The following PARD3B variants were observed in gnomAD, a reference collection of about 807,000 sequenced individuals.
PARD3B encodes the protein partitioning defective 3 homolog B.
In PARD3B, 103 loss-of-function variants were observed where a neutral mutation model predicts 130.2. That is an observed-to-expected ratio of 0.79 (90% CI 0.67 to 0.93). PARD3B has a LOEUF of 0.93. Ranked by LOEUF, PARD3B falls within the 40% of genes least tolerant of loss-of-function variation. The pLI is 0.00. For synonymous variants in PARD3B, 583 were observed against 553.2 expected (o/e 1.05, Z -0.76); for missense variants, 1,609 against 1,499.2 (o/e 1.07, Z -1.21).
At chr2:204,595,169 G>T (rs529067360) in intron 1 of PARD3B, among the ~76,000 whole-genome samples, 8 of 152,320 alleles carry the variant, frequency 5.3e-5, no homozygotes, top group African/African-American at 1.9e-4. Context: ...ATTTCACTCA[G>T]AATGTCTGCT....
At chr2:205,519,160 G>A (rs1396046558) in intron 21 of PARD3B, among the ~76,000 whole-genome samples, 3 of 152,178 alleles carry the variant, frequency 2.0e-5, no homozygotes, top group Non-Finnish European at 4.4e-5. Flanking sequence ...AGTTTTCATG[G>A]ACAATATCCT....
At chr2:205,022,801 C>T (rs1696719154) in intron 3 of PARD3B, among the ~76,000 whole-genome samples, 1 of 151,906 alleles carries the variant, frequency 6.6e-6, no homozygotes, top group African/African-American at 2.4e-5. Context: ...CTGGGTTTTC[C>T]CCCCTTACTC....
chr2:205,039,713 G>T (rs1014165561), intron 3 of PARD3B, among the ~76,000 whole-genome samples: 1 of 151,554 alleles, frequency 6.6e-6, no homozygotes, highest in Non-Finnish European at 1.5e-5. Context: ...CAGGTGATCC[G>T]CCTGCCTTGG....
chr2:205,372,823 TC>T (rs1407652051), intron 18 of PARD3B, among the ~76,000 whole-genome samples: 1 of 151,930 alleles, frequency 6.6e-6, no homozygotes, highest in Admixed American at 6.6e-5. Flanking sequence ...CTACAAAAGG[TC>T]CAAAAATCAG....
Position 204,941,393 on chromosome 2 carries a change from C to T in PARD3B, c.223-23759C>T, listed in dbSNP as rs549782100. Among the ~76,000 whole-genome samples the T allele has an allele frequency of 3.3e-5, 5 of 152,268 alleles. No homozygotes were observed. The South Asian group carries it at 1.0e-3, about 32-fold the overall frequency. On this transcript the variant is annotated intron_variant, in intron 2 of 22. Coordinates refer to ENST00000406610, the MANE Select transcript of PARD3B (RefSeq NM_001302769.2). ...TGTCTAAAGAAGAAAAAGGAAAGTT[C>T]TAACACCTTAAGGATGGCAATTAAT...
chr2:204,803,723 G>A (rs992246024), intron 2 of PARD3B, among the ~76,000 whole-genome samples: 1 of 151,932 alleles, frequency 6.6e-6, no homozygotes, highest in Non-Finnish European at 1.5e-5. Context: ...CACAAAAAGA[G>A]GCATGAAATT....
chr2:205,193,120 G>T (rs1320447669), intron 14 of PARD3B, 85 bp from the exon 15 acceptor site: 20 of 866,486 alleles, frequency 2.3e-5, no homozygotes, highest in Non-Finnish European at 1.3e-5. Context: ...GTGATGAGTG[G>T]CTGTGTTCAA....
chr2:205,250,788 G>T (rs1166826802), intron 16 of PARD3B, among the ~76,000 whole-genome samples: 3 of 152,046 alleles, frequency 2.0e-5, no homozygotes, highest in Non-Finnish European at 4.4e-5. Context: ...AATTAGCTGG[G>T]CATGGTGGCC....
rs2041650382 is a variant in PARD3B, at chr2:205,292,627, C to T, written c.2186-7903C>T. ...TCCCAGACACACAGTCCCTCAAGGG[C>T]ACACTGTCATTGAGATGGAAGGTAA... On this transcript the variant is annotated intron_variant, in intron 16 of 22. Transcript: ENST00000406610. The surrounding 1 kb of genome is among the most constrained non-coding windows in gnomAD (Gnocchi z 5.3). 6.6e-6 allele frequency among the ~76,000 whole-genome samples: 1 copy of T among 152,194 alleles called. No homozygotes were observed. The highest frequency in any genetic ancestry group is 1.5e-5 in the Non-Finnish European group (1 of 68,030).
chr2:205,329,728 T>C (rs1421983430), intron 18 of PARD3B, among the ~76,000 whole-genome samples: 1 of 152,162 alleles, frequency 6.6e-6, no homozygotes, highest in African/African-American at 2.4e-5. Flanking sequence ...CAGTGTCTCA[T>C]ATCTGTAATC....
intron 2 of PARD3B, among the ~76,000 whole-genome samples, chr2:204,780,455 A>T (rs993008344): frequency 3.9e-5 from 6 of 152,234 alleles, no homozygotes; most frequent in African/African-American, 9.6e-5. Context: ...TAAATAATTT[A>T]TACATAATAG....
rs1186586039 is a variant in PARD3B, at chr2:204,686,206, A to G, written c.146A>G (p.His49Arg). Reference protein sequence around the residue: ...EKGPGYWVKIHHLEYTDGGIL... With the variant: ...EKGPGYWVKIRHLEYTDGGIL... ...GGTCCTGGTTACTGGGTGAAGATTC[A>G]TCACTTAGAATATACAGATGGAGGA... The change falls in exon 2 of 23, where the codon CAT becomes CGT. Residue 49 changes from histidine to arginine, a missense_variant. By Grantham distance (29) the His-to-Arg change is conservative. Transcript: ENST00000406610. 5 of 1,611,902 alleles carry G rather than the reference A, an allele frequency of 3.1e-6. No individual in the cohort carries two copies. The highest frequency in any genetic ancestry group is 1.3e-5 in the African/African-American group (1 of 74,856).
chr2:205,462,111 T>C (rs2048472716), intron 20 of PARD3B, among the ~76,000 whole-genome samples: 1 of 152,218 alleles, frequency 6.6e-6, no homozygotes. Flanking sequence ...GAAATGGGTT[T>C]TGTGCATTAG....
intron 2 of PARD3B, among the ~76,000 whole-genome samples, chr2:204,738,212 A>T (rs961852298): frequency 4.6e-5 from 7 of 152,092 alleles, no homozygotes; most frequent in African/African-American, 1.7e-4. Flanking sequence ...TGAGCATGGG[A>T]TGCATTTCCA....
Position 205,431,929 on chromosome 2 carries a change from T to C in PARD3B, c.2742-8441T>C, listed in dbSNP as rs577318787. Among the ~76,000 whole-genome samples the C allele has an allele frequency of 2.4e-4, 37 of 152,306 alleles. 3 individuals carry two copies. Among genetic ancestry groups the C allele is most frequent in the African/African-American group, 8.4e-4 (35 of 41,556 alleles). On this transcript the variant is annotated intron_variant, in intron 19 of 22. Coordinates refer to ENST00000406610, the MANE Select transcript of PARD3B (RefSeq NM_001302769.2). ...CAGGCAAAGTGTGTAGCCTCTCTAATCTCAGCTGCTTCTTCTCTAAAGTTA... is the reference window on the plus strand; with the variant it reads ...CAGGCAAAGTGTGTAGCCTCTCTAACCTCAGCTGCTTCTTCTCTAAAGTTA...
intron 2 of PARD3B, among the ~76,000 whole-genome samples, chr2:204,872,785 T>C (rs1368120500): frequency 6.6e-6 from 1 of 152,214 alleles, no homozygotes; most frequent in East Asian, 1.9e-4. Context: ...ATAAACCAAA[T>C]ACTTATTTGA....
At chr2:205,169,894 C>A (rs548700582) in intron 11 of PARD3B, among the ~76,000 whole-genome samples, 1 of 151,290 alleles carries the variant, frequency 6.6e-6, no homozygotes, top group Non-Finnish European at 1.5e-5. Context: ...CATCACATAA[C>A]GAAACCATTC....
intron 5 of PARD3B, 146 bp downstream of exon 5, chr2:205,104,660 ATTC>A (rs1241851042): frequency 3.4e-6 from 2 of 581,902 alleles, no homozygotes; most frequent in Non-Finnish European, 6.0e-6. Flanking sequence ...CAGTTACTTA[ATTC>A]TTCTTTTCTA....
intron 19 of PARD3B, among the ~76,000 whole-genome samples, chr2:205,427,170 T>C (rs367963451): frequency 6.6e-6 from 1 of 152,276 alleles, no homozygotes; most frequent in South Asian, 2.1e-4. Context: ...TAGGTGGCAA[T>C]GCAAAATAAA....
Sources: gnomAD v4.1 joint callset for allele counts (sites outside exome capture counted in the v4.1 genomes callset) on GRCh38, gnomAD v4.1.1 for gene constraint, Gnocchi (gnomAD v3.1) non-coding constraint, MANE v1.5 for transcripts, NCBI Gene and HGNC (gene_info 2026-07-23, HGNC 2026-07-21) for gene names.